Variants in MYBBP1A observed in about 807,000 individuals in gnomAD.
MYBBP1A encodes the protein myb-binding protein 1A.
MYBBP1A carries 147 observed loss-of-function variants against 136.3 expected under a neutral mutation model. The ratio of observed to expected loss-of-function variants is 1.08; its 90% CI spans 0.94 to 1.24. The LOEUF is 1.24. MYBBP1A is among the 50% of genes most tolerant of loss of function. The pLI, the probability that MYBBP1A is intolerant of heterozygous loss-of-function variation, is 0.00. For synonymous variants in MYBBP1A, 947 were observed against 735.8 expected (o/e 1.29, Z -4.65); for missense variants, 2,060 against 1,727.4 (o/e 1.19, Z -3.41).
Position 4,552,128 on chromosome 17 carries a change from G to A in MYBBP1A, c.902C>T (p.Ala301Val). 1 of 1,613,810 alleles carries A rather than the reference G, an allele frequency of 6.2e-7. No individual in the cohort carries two copies. Among genetic ancestry groups the A allele is most frequent in the African/African-American group, 1.3e-5 (1 of 75,056 alleles). Residue 301 changes from alanine (A) to valine (V), a missense_variant, in exon 7 of 26, where the codon GCC becomes GTC. Transcript: ENST00000254718. This position sits in a 1 kb window ranked among gnomAD's most constrained non-coding sequence, Gnocchi z 4.7. ...QGLLKMQFWP[A>V]SYLCFRLLGA... The stretch of plus-strand genomic sequence containing the variant: ...AGAGGACACGCGTCGCCCGCACCTG[G>A]CTGGCCAGAACTGCATCTTCAGCAG...
intron 20 of MYBBP1A, 38 bp from the exon 21 acceptor site, chr17:4,542,779 A>G (rs1201172188): frequency 1.2e-6 from 2 of 1,608,692 alleles, no homozygotes; most frequent in Non-Finnish European, 1.7e-6. Flanking sequence ...AGGCCAGGAG[A>G]GGGGTCCCTG....
Position 4,554,960 on chromosome 17 carries a change from C to G in MYBBP1A, c.199-4G>C, listed in dbSNP as rs559191327. The G allele has an allele frequency of 6.2e-7, 1 of 1,613,392 alleles. No homozygotes were observed. On this transcript the variant is annotated splice_polypyrimidine_tract_variant and splice_region_variant and intron_variant, in intron 1 of 25. Transcript: ENST00000254718. The stretch of plus-strand genomic sequence containing the variant: ...GGGCATATTTCATCTCGGACCCCTG[C>G]GGAACCAAGCACACCCTCGTGTTCA...
chr17:4,552,485 A>T lies in MYBBP1A; in HGVS notation c.703T>A (p.Ser235Thr). Residue 235 changes from serine to threonine, a missense_variant, in exon 6 of 26, where the codon TCC (serine) becomes ACC (threonine). Ser to Thr is a moderately conservative substitution (Grantham distance 58, BLOSUM62 1). Transcript: ENST00000254718. This position sits in a 1 kb window ranked among gnomAD's most constrained non-coding sequence, Gnocchi z 4.7. The stretch of plus-strand genomic sequence containing the variant: ...TTCTCATCTGAGAATAGGTTCACGG[A>T]TCCCACCAGCTTCTTGAGCTTGGAG... ...VPSKLKKLVGSVNLFSDENVP... is the reference protein window; with the variant it reads ...VPSKLKKLVGTVNLFSDENVP... The T allele has an allele frequency of 6.2e-7, 1 of 1,613,710 alleles. No individual in the cohort carries two copies. Among genetic ancestry groups the T allele is most frequent in the Admixed American group, 1.7e-5 (1 of 60,028 alleles).
chr17:4,552,607 T>C lies in MYBBP1A; in HGVS notation c.581A>G (p.Gln194Arg), dbSNP rs375520626. 165 of 1,613,438 alleles carry C rather than the reference T, an allele frequency of 1.0e-4. 1 individual carries two copies. Among genetic ancestry groups the C allele is most frequent in the Non-Finnish European group, 1.0e-4 (118 of 1,179,818 alleles). ...ILSEVSKATL[Q>R]EILPEVLKAD... ...TTTGAGGACCTCCGGCAGGATCTCCTGCAATGTGGCCTTCGAGACCTAAGG... is the reference window on the plus strand; with the variant it reads ...TTTGAGGACCTCCGGCAGGATCTCCCGCAATGTGGCCTTCGAGACCTAAGG... The change falls in exon 6 of 26, where the codon CAG becomes CGG. Residue 194 changes from glutamine (Q) to arginine (R), a missense_variant. Gln to Arg is a conservative substitution (Grantham distance 43). Coordinates refer to ENST00000254718, the MANE Select transcript of MYBBP1A (RefSeq NM_014520.4). The surrounding 1 kb of genome is among the most constrained non-coding windows in gnomAD (Gnocchi z 4.7).
rs1906119832 is a variant in MYBBP1A at position 4,539,358 on chromosome 17, AAAAAT to A, written c.*52_*56del. The A allele has an allele frequency of 5.3e-6, 8 of 1,505,204 alleles. No individual in the cohort carries two copies. 93.2% of individuals were successfully genotyped at this position (1,505,204 alleles called of 1,614,324 possible). A position where few individuals can be genotyped will look rare whatever the true frequency, so the allele number is the denominator to read the frequency against. On this transcript the variant is annotated 3_prime_UTR_variant, in exon 26 of 26. Coordinates refer to ENST00000254718, the MANE Select transcript of MYBBP1A (RefSeq NM_014520.4). ...AAATCATGGTTTAAAAAAAAAAAAA[AAAAAT>A]AGGCGTCTCAGGCAGATGGAGGCAG...
At chr17:4,540,112 A>G (rs539090792) in intron 25 of MYBBP1A, 145 bp from the exon 26 acceptor site, 2 of 1,190,080 alleles carry the variant, frequency 1.7e-6, no homozygotes, top group South Asian at 1.5e-5. Context: ...TGAGGGTCCT[A>G]TGAGGGTCCT....
At chr17:4,544,991 C>CGGG in intron 17 of MYBBP1A, 35 bp downstream of exon 17, 1 of 722,624 alleles carries the variant, frequency 1.4e-6, no homozygotes, top group Non-Finnish European at 2.1e-6. Flanking sequence ...CCCGAGCCCT[C>CGGG]CCCGGCCGCC....
intron 19 of MYBBP1A, chr17:4,543,383 A>G: frequency 3.3e-6 from 2 of 606,004 alleles, no homozygotes; most frequent in Non-Finnish European, 5.7e-6. Context: ...CCAGGGGAGA[A>G]CAGAACAGCT....
At position 4,544,990 on chromosome 17, in the gene MYBBP1A, TC is replaced by T. The variant is rs1257688847; in HGVS notation, c.2310+35del. The T allele has an allele frequency of 7.1e-6, 5 of 700,096 alleles. No individual in the cohort carries two copies. In the Admixed American group the frequency reaches 2.5e-4, roughly 35 times the overall value. 43.4% of individuals were successfully genotyped at this position (700,096 alleles called of 1,614,324 possible). Reference sequence around the variant, plus strand: ...ACACAACATGGGGACACCCGAGCCCTCCCCGGCCGCCCCCCCCTCCACCTCC... The same window carrying T: ...ACACAACATGGGGACACCCGAGCCCTCCCGGCCGCCCCCCCCTCCACCTCC... On this transcript the variant is annotated intron_variant, in intron 17 of 25. Transcript: ENST00000254718.
In MYBBP1A at chr17:4,552,656, T is replaced by G; in HGVS notation, c.562-30A>C. ...GGATGGAGGGAGAAGAAATCGTGACTTCCTCTGCGGGGTGAGCCTGGTGGA... is the reference window on the plus strand; with the variant it reads ...GGATGGAGGGAGAAGAAATCGTGACGTCCTCTGCGGGGTGAGCCTGGTGGA... On this transcript the variant is annotated intron_variant, in intron 5 of 25. Coordinates refer to ENST00000254718, the MANE Select transcript of MYBBP1A (RefSeq NM_014520.4). The surrounding 1 kb of genome is among the most constrained non-coding windows in gnomAD (Gnocchi z 4.7). The G allele has an allele frequency of 6.2e-7, 1 of 1,602,626 alleles. No homozygotes were observed. Among genetic ancestry groups the G allele is most frequent in the East Asian group, 2.2e-5 (1 of 44,698 alleles).
chr17:4,539,587 G>A lies in MYBBP1A; in HGVS notation c.3815C>T (p.Ala1272Val), dbSNP rs1362106827. 3.7e-6 allele frequency: 6 copies of A among 1,614,028 alleles called. No individual in the cohort carries two copies. In the Admixed American group the frequency reaches 6.7e-5, roughly 18 times the overall value. The change falls in exon 26 of 26, where the codon GCA becomes GTA. Residue 1272 changes from alanine (A) to valine (V), a missense_variant. Coordinates refer to ENST00000254718, the MANE Select transcript of MYBBP1A (RefSeq NM_014520.4). Reference sequence around the variant, plus strand: ...AGCCTTCTGATGCTGCTTTTGGCCTGCAGGTTCCGTGGGGGACCCGGGAGC... The same window carrying A: ...AGCCTTCTGATGCTGCTTTTGGCCTACAGGTTCCGTGGGGGACCCGGGAGC... ...NGAPGSPTEP[A>V]GQKQHQKALP...
At position 4,539,702 on chromosome 17, in the gene MYBBP1A, CT is replaced by C; in HGVS notation, c.3699del (p.Ala1234ProfsTer28). On this transcript the variant is annotated frameshift_variant, in exon 26 of 26. Coordinates refer to ENST00000254718, the MANE Select transcript of MYBBP1A (RefSeq NM_014520.4). LOFTEE classifies it low-confidence loss of function (END_TRUNC). ...QANGTPTTKS[P>X]APGAPTRSPS... is the part of the protein sequence containing the mutation. ...GGGCTCCGGGTGGGGGCGCCAGGGG[CT>C]GGACTCTTGGTGGTTGGCGTCCCGT... 3 of 1,609,470 alleles carry C rather than the reference CT, an allele frequency of 1.9e-6. No homozygotes were observed.
rs1907437302 is a variant in MYBBP1A at position 4,550,731 on chromosome 17, G to C, written c.1024-378C>G. On this transcript the variant is annotated intron_variant, in intron 8 of 25. Transcript: ENST00000254718. Reference sequence around the variant, plus strand: ...GGGCAGAGTGGTAGTTAGGAGGCGAGACTGACCTGGGTTCAAAGCCCACGC... The same window carrying C: ...GGGCAGAGTGGTAGTTAGGAGGCGACACTGACCTGGGTTCAAAGCCCACGC... Among the ~76,000 whole-genome samples the C allele has an allele frequency of 2.0e-5, 3 of 152,252 alleles. No individual in the cohort carries two copies. The South Asian group carries it at 6.2e-4, about 32-fold the overall frequency.
intron 8 of MYBBP1A, among the ~76,000 whole-genome samples, chr17:4,550,935 G>C (rs572577349): frequency 5.9e-5 from 9 of 152,258 alleles, no homozygotes; most frequent in Non-Finnish European, 1.2e-4. Flanking sequence ...AAAACACCTA[G>C]AGGTAACTTC....
intron 19 of MYBBP1A, 181 bp from the exon 20 acceptor site, chr17:4,543,346 TCA>T (rs1906647825): frequency 1.2e-6 from 1 of 813,208 alleles, no homozygotes; most frequent in South Asian, 1.9e-5. Flanking sequence ...CTGTGTGGGC[TCA>T]GAGTGCTGGG....
intron 15 of MYBBP1A, 59 bp from the exon 16 acceptor site, chr17:4,545,404 C>T: frequency 1.3e-6 from 2 of 1,598,116 alleles, no homozygotes; most frequent in Non-Finnish European, 1.7e-6. Flanking sequence ...CTCCAGGCCC[C>T]ACTCAGCCTT....
intron 24 of MYBBP1A, among the ~76,000 whole-genome samples, chr17:4,540,801 G>T (rs1232284331): frequency 1.3e-5 from 2 of 152,162 alleles, no homozygotes; most frequent in Non-Finnish European, 2.9e-5. Context: ...CCGCGGGGCT[G>T]CCAAAGCGCT....
At position 4,540,403 on chromosome 17, in the gene MYBBP1A, C is replaced by T. The variant is rs150092179; in HGVS notation, c.3379G>A (p.Gly1127Ser). The T allele has an allele frequency of 1.7e-4, 277 of 1,610,510 alleles. No homozygotes were observed. Among genetic ancestry groups the T allele is most frequent in the Middle Eastern group, 4.9e-4 (3 of 6,078 alleles). The change falls in exon 25 of 26, where the codon GGC (glycine) becomes AGC (serine). Residue 1127 changes from glycine to serine, a missense_variant. Gly to Ser is a moderately conservative substitution (Grantham distance 56, BLOSUM62 0). Transcript: ENST00000254718. ...QSLQQGAHST[G>S]SSRLHDLYWQ... ...TAGAGGTCGTGCAGGCGGCTGGAGCCGGTGGAGTGTGCCCCCTGCTGTAGG... is the reference window on the plus strand; with the variant it reads ...TAGAGGTCGTGCAGGCGGCTGGAGCTGGTGGAGTGTGCCCCCTGCTGTAGG...
Position 4,539,849 on chromosome 17 carries a change from T to C in MYBBP1A, c.3553A>G (p.Lys1185Glu). ...LPETKKRKKR[K>E]SEDGTPAEDG... ...TCCGCTGGCGTGCCATCCTCTGACTTGCGTTTCTTGCGCTTCTTCGTCTCT... is the reference window on the plus strand; with the variant it reads ...TCCGCTGGCGTGCCATCCTCTGACTCGCGTTTCTTGCGCTTCTTCGTCTCT... Residue 1185 changes from lysine to glutamate, a missense_variant, in exon 26 of 26, where the codon AAG becomes GAG. Lys to Glu is a moderately conservative substitution (Grantham distance 56, BLOSUM62 1). Transcript: ENST00000254718. 1 of 1,608,244 alleles carries C rather than the reference T, an allele frequency of 6.2e-7. No individual in the cohort carries two copies. Among genetic ancestry groups the C allele is most frequent in the South Asian group, 1.1e-5 (1 of 91,068 alleles).
Sources: allele counts gnomAD v4.1 joint callset (sites outside exome capture counted in the v4.1 genomes callset), GRCh38; gene constraint gnomAD v4.1.1; non-coding constraint Gnocchi (gnomAD v3.1); transcripts MANE v1.5; gene names NCBI Gene and HGNC (gene_info 2026-07-23, HGNC 2026-07-21).